Variants in BCAR3 observed in about 807,000 individuals in gnomAD.
The protein encoded by BCAR3 is breast cancer anti-estrogen resistance protein 3.
Under a neutral mutation model 80.1 loss-of-function variants are expected in BCAR3, and 37 were observed. The ratio of observed to expected loss-of-function variants is 0.46; its 90% CI spans 0.36 to 0.61. The LOEUF (loss-of-function observed/expected upper bound fraction) is 0.61, where lower values mean the gene tolerates loss of function less well. Among genes scored for constraint, BCAR3 ranks in the 20% least tolerant of loss-of-function variants. The pLI is 0.00. For missense variants in BCAR3, 978 were observed against 1,068.2 expected (o/e 0.92, Z 1.18); for synonymous variants, 389 against 418.9 (o/e 0.93, Z 0.87).
intron 2 of BCAR3, among the ~76,000 whole-genome samples, chr1:93,671,081 C>T (rs975034085): frequency 6.6e-6 from 1 of 152,186 alleles, no homozygotes; most frequent in Non-Finnish European, 1.5e-5. Context: ...CAACCTCCAC[C>T]TCCCAGGTTC....
intron 2 of BCAR3, among the ~76,000 whole-genome samples, chr1:93,651,053 G>A (rs1372923624): frequency 1.3e-5 from 2 of 152,146 alleles, no homozygotes; most frequent in African/African-American, 2.4e-5. Flanking sequence ...TGGCTCCCCA[G>A]GACAGGTCCA....
intron 2 of BCAR3, among the ~76,000 whole-genome samples, chr1:93,831,369 C>T (rs1190007536): frequency 6.6e-6 from 1 of 152,174 alleles, no homozygotes; most frequent in Non-Finnish European, 1.5e-5. Context: ...CACACCTGAC[C>T]TAAAACTTAA....
At chr1:93,591,474 C>G (rs904495869) in intron 4 of BCAR3, among the ~76,000 whole-genome samples, 2 of 151,280 alleles carry the variant, frequency 1.3e-5, no homozygotes, top group African/African-American at 4.9e-5. Context: ...GACTCTGTCT[C>G]AAAAAAAAGA....
chr1:93,730,958 G>A (rs891012745), intron 2 of BCAR3, among the ~76,000 whole-genome samples: 3 of 152,236 alleles, frequency 2.0e-5, no homozygotes, highest in Admixed American at 6.5e-5. Context: ...CATGTGGGCA[G>A]CATGTGCCCT....
intron 3 of BCAR3, among the ~76,000 whole-genome samples, chr1:93,694,395 C>A (rs1390740642): frequency 2.0e-5 from 3 of 152,184 alleles, no homozygotes; most frequent in Non-Finnish European, 4.4e-5. Flanking sequence ...TGAGCCCAGT[C>A]ATGACTCCAG....
intron 3 of BCAR3, among the ~76,000 whole-genome samples, chr1:93,636,121 CCT>C (rs1448592465): frequency 1.3e-5 from 2 of 152,176 alleles, no homozygotes; most frequent in African/African-American, 2.4e-5. Flanking sequence ...CCTTGGATGG[CCT>C]GTAACGTCTA....
At chr1:93,619,567 C>T (rs1376776195) in intron 3 of BCAR3, among the ~76,000 whole-genome samples, 3 of 152,250 alleles carry the variant, frequency 2.0e-5, no homozygotes, top group East Asian at 1.9e-4. Flanking sequence ...TTCTCTTTCC[C>T]TTTCCATCCA....
At chr1:93,707,393 G>A (rs973641666) in intron 2 of BCAR3, among the ~76,000 whole-genome samples, 7 of 151,964 alleles carry the variant, frequency 4.6e-5, no homozygotes, top group Middle Eastern at 3.2e-3. Flanking sequence ...TGCAAAATCC[G>A]CATTAAATAA....
At chr1:93,691,297 C>T (rs1649177334) in intron 3 of BCAR3, among the ~76,000 whole-genome samples, 1 of 152,204 alleles carries the variant, frequency 6.6e-6, no homozygotes, top group Non-Finnish European at 1.5e-5. Flanking sequence ...CACTGGGGAA[C>T]AGCCTCCCAT....
chr1:93,627,401 T>C (rs1675483572), intron 3 of BCAR3, among the ~76,000 whole-genome samples: 2 of 152,246 alleles, frequency 1.3e-5, no homozygotes, highest in Admixed American at 1.3e-4. Flanking sequence ...TGTTGAACTC[T>C]AGTATCAAAG....
At chr1:93,644,693 A>G (rs1676098931) in intron 2 of BCAR3, among the ~76,000 whole-genome samples, 2 of 152,154 alleles carry the variant, frequency 1.3e-5, no homozygotes, top group African/African-American at 4.8e-5. Context: ...TTGATGCCCA[A>G]ACATGTGGGG....
upstream of BCAR3, among the ~76,000 whole-genome samples, chr1:93,686,490 C>A (rs763221184): frequency 6.6e-6 from 1 of 152,222 alleles, no homozygotes; most frequent in Non-Finnish European, 1.5e-5. Context: ...TAACTACATG[C>A]CAACTACTAT....
intron 3 of BCAR3, among the ~76,000 whole-genome samples, chr1:93,595,142 A>G (rs1192393532): frequency 6.6e-6 from 1 of 152,246 alleles, no homozygotes; most frequent in Non-Finnish European, 1.5e-5. Flanking sequence ...GTAGGGTATT[A>G]CAGGAAAGTA....
chr1:93,843,230 C>T (rs1202881700), intron 2 of BCAR3, among the ~76,000 whole-genome samples: 1 of 152,172 alleles, frequency 6.6e-6, no homozygotes, highest in Non-Finnish European at 1.5e-5. Flanking sequence ...TGTTCGGTAA[C>T]AGAAATGAAA....
chr1:93,625,245 T>A (rs948209446), intron 3 of BCAR3, among the ~76,000 whole-genome samples: 1 of 152,188 alleles, frequency 6.6e-6, no homozygotes, highest in Non-Finnish European at 1.5e-5. Flanking sequence ...TCTCAAACTT[T>A]GAACTAGCTG....
At chr1:93,603,949 G>A (rs1177325955) in intron 3 of BCAR3, among the ~76,000 whole-genome samples, 1 of 152,208 alleles carries the variant, frequency 6.6e-6, no homozygotes, top group Non-Finnish European at 1.5e-5. Flanking sequence ...ATTTCAATAA[G>A]TTTTAGCATT....
chr1:93,566,884 C>G (rs1008235900), intron 11 of BCAR3, among the ~76,000 whole-genome samples: 1 of 152,212 alleles, frequency 6.6e-6, no homozygotes, highest in East Asian at 1.9e-4. Context: ...CACACCATCA[C>G]GCCCAGCTAA....
chr1:93,597,875 C>T (rs527786597), intron 3 of BCAR3, among the ~76,000 whole-genome samples: 1 of 152,172 alleles, frequency 6.6e-6, no homozygotes. Flanking sequence ...CACCTCTGCT[C>T]GGTTACACGG....
intron 3 of BCAR3, among the ~76,000 whole-genome samples, chr1:93,620,917 C>T (rs558176612): frequency 6.6e-6 from 1 of 152,334 alleles, no homozygotes; most frequent in Admixed American, 6.5e-5. Context: ...TCTCTCAAGT[C>T]CCTAATGGCA....
Sources: gnomAD v4.1 joint callset for allele counts (sites outside exome capture counted in the v4.1 genomes callset) on GRCh38, gnomAD v4.1.1 for gene constraint, MANE v1.5 for transcripts, NCBI Gene and HGNC (gene_info 2026-07-23, HGNC 2026-07-21) for gene names.